The following ZNF536 variants were observed in gnomAD, a reference collection of about 807,000 sequenced individuals.
ZNF536 encodes the protein zinc finger protein 536.
A neutral mutation model predicts 84.5 loss-of-function variants in ZNF536; 13 were observed. That is an observed-to-expected ratio of 0.15 (90% confidence interval 0.10 to 0.24). The LOEUF (loss-of-function observed/expected upper bound fraction) is 0.24. Ranked by LOEUF, ZNF536 falls within the 10% of genes least tolerant of loss-of-function variation. ZNF536 has a pLI of 1.00. For synonymous variants in ZNF536, 811 were observed against 742.5 expected (o/e 1.09, Z -1.50); for missense variants, 1,536 against 1,747.5 (o/e 0.88, Z 2.16).
At chr19:30,710,758 T>C (rs1483578069) in exon 2 of ZNF536, 1 of 152,200 alleles carries the variant, frequency 6.6e-6, no homozygotes, top group African/African-American at 2.4e-5. Flanking sequence ...TGCCCACAGG[T>C]CACAGGCCTT....
At chr19:30,387,523 A>C (rs138568863) in intron 1 of ZNF536, among the ~76,000 whole-genome samples, 1 of 152,304 alleles carries the variant, frequency 6.6e-6, no homozygotes, top group Non-Finnish European at 1.5e-5. Context: ...CTTGGCTTAC[A>C]TCTGCTGCTG....
At chr19:30,701,398 A>G (rs1248868035) in intron 1 of ZNF536, among the ~76,000 whole-genome samples, 1 of 140,404 alleles carries the variant, frequency 7.1e-6, no homozygotes, top group African/African-American at 2.7e-5. Context: ...GACACACCCA[A>G]ACACACACAG....
chr19:30,686,275 C>CT (rs57101320), intron 1 of ZNF536, among the ~76,000 whole-genome samples: 51 of 150,466 alleles, frequency 3.4e-4, no homozygotes, highest in African/African-American at 9.3e-4. Context: ...CACACACACA[C>CT]TTTTTTTTTT....
At chr19:30,317,706 C>T (rs1600197778) in intron 2 of ZNF536, among the ~76,000 whole-genome samples, 1 of 152,314 alleles carries the variant, frequency 6.6e-6, no homozygotes, top group African/African-American at 2.4e-5. Flanking sequence ...TGACCATTGT[C>T]TTTGGAGGGT....
intron 2 of ZNF536, among the ~76,000 whole-genome samples, chr19:30,452,986 G>T (rs1401269948): frequency 6.7e-6 from 1 of 148,790 alleles, no homozygotes; most frequent in African/African-American, 2.5e-5. Flanking sequence ...GTGTCGGGGG[G>T]GTGGGCAGGT....
At chr19:30,257,541 T>A (rs1369414936) in intron 1 of ZNF536, among the ~76,000 whole-genome samples, 2 of 152,194 alleles carry the variant, frequency 1.3e-5, no homozygotes, top group Non-Finnish European at 2.9e-5. Flanking sequence ...AAATGAAAGA[T>A]CAGGAAGAGA....
chr19:30,556,362 A>G (rs7253628), intron 4 of ZNF536: 30,350 of 152,292 alleles, frequency 0.2, 3,765 homozygotes, highest in African/African-American at 0.35. Context: ...GATGTCCCCT[A>G]GGATCTCTTG....
chr19:30,654,716 T>A (rs547252567), intron 1 of ZNF536, among the ~76,000 whole-genome samples: 1 of 152,156 alleles, frequency 6.6e-6, no homozygotes, highest in Non-Finnish European at 1.5e-5. Context: ...GTTTTTTTTC[T>A]CCATGAAGAC....
At chr19:30,652,618 G>C (rs955539481) in intron 1 of ZNF536, among the ~76,000 whole-genome samples, 1 of 152,136 alleles carries the variant, frequency 6.6e-6, no homozygotes, top group Non-Finnish European at 1.5e-5. Flanking sequence ...AATGAGCCCC[G>C]TCATTCTGTA....
intron 1 of ZNF536, among the ~76,000 whole-genome samples, chr19:30,436,958 C>T (rs1477356428): frequency 1.3e-5 from 2 of 152,216 alleles, no homozygotes; most frequent in African/African-American, 4.8e-5. Flanking sequence ...GTAGCAGTTT[C>T]ACCCACGTCG....
intron 1 of ZNF536, among the ~76,000 whole-genome samples, chr19:30,428,454 G>A (rs2054555153): frequency 6.6e-6 from 1 of 152,218 alleles, no homozygotes; most frequent in Non-Finnish European, 1.5e-5. Flanking sequence ...TCTTGAAGCA[G>A]CAGCGAGTTT....
chr19:30,445,647 C>T lies in ZNF536; in HGVS notation c.2085C>T (p.Thr695=), dbSNP rs149363496. The part of the protein sequence containing the change: ...RSTTPGSSNV[T]EESGVGGGLS... ...CCACGCCGGGCTCCTCTAACGTCAC[C>T]GAGGAGAGCGGGGTCGGAGGCGGCC... Residue 695 remains threonine, a synonymous_variant, in exon 2 of 5, where the codon ACC becomes ACT. Coordinates refer to ENST00000355537, the MANE Select transcript of ZNF536 (RefSeq NM_014717.3). The surrounding 1 kb of genome is among the most constrained non-coding windows in gnomAD (Gnocchi z 4.5). 450 of 1,612,284 alleles carry T rather than the reference C, an allele frequency of 2.8e-4. 1 individual carries two copies. In the African/African-American group the frequency reaches 5.5e-3, roughly 20 times the overall value.
At chr19:30,485,701 T>G (rs375949469) in intron 2 of ZNF536, among the ~76,000 whole-genome samples, 1 of 130,252 alleles carries the variant, frequency 7.7e-6, no homozygotes, top group African/African-American at 3.8e-5. Flanking sequence ...GGCGGTGGGG[T>G]GGGGGGAAAC....
chr19:30,326,814 T>G (rs527965977), intron 2 of ZNF536, among the ~76,000 whole-genome samples: 95 of 140,016 alleles, frequency 6.8e-4, no homozygotes, highest in African/African-American at 1.7e-3. Flanking sequence ...TTTTTTTTTT[T>G]TTTTGTTTTC....
intron 1 of ZNF536, among the ~76,000 whole-genome samples, chr19:30,381,642 C>A (rs1474264428): frequency 6.6e-6 from 1 of 152,152 alleles, no homozygotes; most frequent in Non-Finnish European, 1.5e-5. Flanking sequence ...GCCCCAGGTC[C>A]CAGAGCCTTT....
At chr19:30,505,204 A>C (rs985170273) in intron 2 of ZNF536, among the ~76,000 whole-genome samples, 7 of 146,544 alleles carry the variant, frequency 4.8e-5, no homozygotes, top group African/African-American at 7.6e-5. Context: ...TATTCTCTCT[A>C]TATATTATAT....
intron 2 of ZNF536, among the ~76,000 whole-genome samples, chr19:30,522,581 A>G (rs1353874372): frequency 1.3e-5 from 2 of 152,008 alleles, no homozygotes; most frequent in African/African-American, 4.8e-5. Context: ...GCGACCCTCT[A>G]AAACAGAATA....
intron 1 of ZNF536, among the ~76,000 whole-genome samples, chr19:30,697,662 G>C (rs1353863908): frequency 6.6e-6 from 1 of 152,170 alleles, no homozygotes; most frequent in Non-Finnish European, 1.5e-5. Context: ...TTAGAGCCTT[G>C]GTGTCTGGCT....
chr19:30,376,364 T>C (rs2147102937), intron 1 of ZNF536, among the ~76,000 whole-genome samples: 1 of 152,260 alleles, frequency 6.6e-6, no homozygotes, highest in Non-Finnish European at 1.5e-5. Context: ...GGCGATGGTG[T>C]CTCTGACCTG....
Sources: allele counts gnomAD v4.1 joint callset (sites outside exome capture counted in the v4.1 genomes callset), GRCh38; gene constraint gnomAD v4.1.1; non-coding constraint Gnocchi (gnomAD v3.1); transcripts MANE v1.5; gene names NCBI Gene and HGNC (gene_info 2026-07-23, HGNC 2026-07-21).